NUP58: variants seen among roughly 807,000 people sequenced by gnomAD.
NUP58 encodes the protein nucleoporin 58.
NUP58 carries 17 observed loss-of-function variants against 70.1 expected under a neutral mutation model. The observed-to-expected ratio is 0.24, with a 90% CI of 0.17 to 0.36. The LOEUF is 0.36. Ranked by LOEUF, NUP58 falls within the 10% of genes least tolerant of loss-of-function variation. The pLI is 1.00. For missense variants in NUP58, 644 were observed against 701.5 expected (o/e 0.92, Z 0.93); for synonymous variants, 275 against 257.6 (o/e 1.07, Z -0.65).
At chr13:25,346,229 A>G (rs2032048100), downstream of NUP58, among the ~76,000 whole-genome samples, 1 of 152,206 alleles carries the variant, frequency 6.6e-6, no homozygotes. Context: ...TAACTCATTT[A>G]GTCCTCAATC....
chr13:25,337,103 A>AG lies in NUP58; in HGVS notation c.1534+69_1534+70insG, dbSNP rs369869255. On this transcript the variant is annotated intron_variant, in intron 14 of 15. Coordinates refer to ENST00000381736, the MANE Select transcript of NUP58 (RefSeq NM_014089.4). ...TTGAATTGATACTAGCCTGTAAAAAAAAATTTCTAAGAGAATCTCCTGCTA... is the reference window on the plus strand; with the variant it reads ...TTGAATTGATACTAGCCTGTAAAAAAGAAATTTCTAAGAGAATCTCCTGCTA... 8.5e-4 allele frequency: 857 copies of AG among 1,014,182 alleles called. 9 individuals are homozygous for AG. The African/African-American group carries it at 0.013, about 16-fold the overall frequency. 62.8% of individuals were successfully genotyped at this position (1,014,182 alleles called of 1,614,324 possible). A position where few individuals can be genotyped will look rare whatever the true frequency, so the allele number is the denominator to read the frequency against.
At chr13:25,325,907 A>G (rs950267158) in intron 10 of NUP58, among the ~76,000 whole-genome samples, 1 of 152,172 alleles carries the variant, frequency 6.6e-6, no homozygotes, top group Non-Finnish European at 1.5e-5. Flanking sequence ...TTTGGTCTAC[A>G]GAAAAGTTTC....
At chr13:25,344,177 C>T (rs1314985929), downstream of NUP58, among the ~76,000 whole-genome samples, 1 of 151,616 alleles carries the variant, frequency 6.6e-6, no homozygotes, top group African/African-American at 2.4e-5. Flanking sequence ...ATTTTTATAC[C>T]AAATTAGGGT....
At chr13:25,331,273 G>A in intron 12 of NUP58, 84 bp from the exon 13 acceptor site, 1 of 1,270,280 alleles carries the variant, frequency 7.9e-7, no homozygotes, top group Non-Finnish European at 1.1e-6. Flanking sequence ...GACTGTCTTT[G>A]GTAATTTATG....
At chr13:25,324,906 C>A in intron 9 of NUP58, 83 bp from the exon 10 acceptor site, 1 of 885,014 alleles carries the variant, frequency 1.1e-6, no homozygotes, top group Non-Finnish European at 1.8e-6. Flanking sequence ...AGTCCAGAGA[C>A]TGAATATTTT....
At chr13:25,313,544 G>C in intron 4 of NUP58, 70 bp from the exon 5 acceptor site, 1 of 1,316,656 alleles carries the variant, frequency 7.6e-7, no homozygotes, top group Middle Eastern at 2.2e-4. Context: ...TAAAAACATC[G>C]TATTTGTATT....
intron 14 of NUP58, 27 bp downstream of exon 14, chr13:25,337,061 A>C: frequency 3.4e-6 from 5 of 1,471,986 alleles, no homozygotes; most frequent in Non-Finnish European, 4.7e-6. Context: ...CTAATATTTC[A>C]TTGAACTATT....
At position 25,320,541 on chromosome 13, in the gene NUP58, C is replaced by T; in HGVS notation, c.722C>T (p.Ala241Val). ...KTGTRPEDSK[A>V]LKDENLPPVI... ...TGCATTTTTCTTAGGGATAGTAAAG[C>T]TCTGAAGGATGAAAATCTACCTCCT... Residue 241 changes from alanine to valine, a missense_variant, in exon 8 of 16, where the codon GCT (alanine) becomes GTT (valine). By Grantham distance (64) the Ala-to-Val change is moderately conservative. Around this residue, in one of 4 missense-constraint regions of NUP58, gnomAD observed 430 missense variants for 409.2 expected, o/e 1.05. Transcript: ENST00000381736. 6.2e-7 allele frequency: 1 copy of T among 1,609,806 alleles called. No individual in the cohort carries two copies.
chr13:25,314,078 G>A (rs958467180), intron 5 of NUP58, among the ~76,000 whole-genome samples: 6 of 152,012 alleles, frequency 3.9e-5, no homozygotes, highest in Non-Finnish European at 8.8e-5. Flanking sequence ...TTACAGGTGT[G>A]TGCCAGCACA....
At chr13:25,304,644 A>G (rs1047341414) in intron 1 of NUP58, among the ~76,000 whole-genome samples, 2 of 150,718 alleles carry the variant, frequency 1.3e-5, no homozygotes, top group East Asian at 2.0e-4. Flanking sequence ...AGCCTCCCAA[A>G]TAGCTGGGAT....
At chr13:25,346,409 G>C (rs1345175690), downstream of NUP58, among the ~76,000 whole-genome samples, 6 of 152,038 alleles carry the variant, frequency 3.9e-5, no homozygotes, top group Non-Finnish European at 8.8e-5. Flanking sequence ...GATATAAAGT[G>C]GGCTTTCTTA....
At chr13:25,329,498 A>G (rs2031527192) in intron 12 of NUP58, among the ~76,000 whole-genome samples, 2 of 152,226 alleles carry the variant, frequency 1.3e-5, no homozygotes, top group Admixed American at 1.3e-4. Flanking sequence ...AACGTTGTAG[A>G]CATGAAATTT....
rs2031604837 is a variant in NUP58 at position 25,331,504 on chromosome 13, G to T, written c.1381G>T (p.Ala461Ser). Residue 461 changes from alanine to serine, a missense_variant, in exon 13 of 16, where the codon GCA becomes TCA. Transcript: ENST00000381736. ...CACTCCTTTCAGCACCATGCCAAAC[G>T]CAGCAGCCGTTGCCATGGCTGCAAC... ...GPTPFSTMPN[A>S]AAVAMAATLT... is the part of the protein sequence containing the mutation. The T allele has an allele frequency of 1.9e-6, 3 of 1,613,936 alleles. No homozygotes were observed. The highest frequency in any genetic ancestry group is 1.1e-5 in the South Asian group (1 of 91,082).
intron 13 of NUP58, among the ~76,000 whole-genome samples, chr13:25,336,628 C>A (rs1243441198): frequency 6.6e-6 from 1 of 152,142 alleles, no homozygotes; most frequent in Non-Finnish European, 1.5e-5. Flanking sequence ...ATTTATGATA[C>A]ATTAAAGATT....
intron 10 of NUP58, among the ~76,000 whole-genome samples, chr13:25,326,476 T>A (rs1397321469): frequency 6.6e-6 from 1 of 152,210 alleles, no homozygotes; most frequent in Non-Finnish European, 1.5e-5. Context: ...AAATTCTTAA[T>A]TCTGAAATCT....
At chr13:25,302,973 A>G (rs943015941) in intron 1 of NUP58, 4 of 456,574 alleles carry the variant, frequency 8.8e-6, no homozygotes, top group Admixed American at 2.3e-5. Context: ...ACAAATATTT[A>G]TTGGACAGAT....
At chr13:25,339,382 G>GGAA in intron 15 of NUP58, among the ~76,000 whole-genome samples, 1 of 152,182 alleles carries the variant, frequency 6.6e-6, no homozygotes, top group Non-Finnish European at 1.5e-5. Context: ...AAAATCAGCA[G>GGAA]TTCCAGTGGA....
downstream of NUP58, among the ~76,000 whole-genome samples, chr13:25,345,946 A>C (rs141857628): frequency 6.6e-6 from 1 of 152,296 alleles, no homozygotes; most frequent in African/African-American, 2.4e-5. Context: ...CAGCTAATGG[A>C]AACAAAAAAC....
At chr13:25,329,045 A>T (rs2031508993) in intron 12 of NUP58, among the ~76,000 whole-genome samples, 1 of 152,184 alleles carries the variant, frequency 6.6e-6, no homozygotes, top group East Asian at 1.9e-4. Flanking sequence ...ACTGTAACCC[A>T]AATCTTTAAA....
Sources: allele counts gnomAD v4.1 joint callset (sites outside exome capture counted in the v4.1 genomes callset), GRCh38; gene constraint gnomAD v4.1.1; regional missense constraint gnomAD v4.1.1; transcripts MANE v1.5; gene names NCBI Gene and HGNC (gene_info 2026-07-23, HGNC 2026-07-21).